Variants in MERTK observed in about 807,000 individuals in gnomAD.
MERTK encodes the protein MER proto-oncogene, tyrosine kinase, also known as tyrosine-protein kinase Mer.
Under a neutral mutation model 99.3 loss-of-function variants are expected in MERTK, and 69 were observed. The ratio of observed to expected loss-of-function variants is 0.70; its 90% confidence interval spans 0.57 to 0.85. The LOEUF is 0.85. Ranked by LOEUF, MERTK falls within the 40% of genes least tolerant of loss-of-function variation. MERTK has a pLI of 0.00. For missense variants in MERTK, 1,125 were observed against 1,249.4 expected, an observed-to-expected ratio of 0.90 and a Z score of 1.50; for synonymous variants, 426 against 467.6, an observed-to-expected ratio of 0.91 and a Z score of 1.15.
intron 15 of MERTK, among the ~76,000 whole-genome samples, chr2:112,018,804 G>T (rs1239461347): frequency 6.6e-6 from 1 of 152,222 alleles, no homozygotes; most frequent in Non-Finnish European, 1.5e-5. Flanking sequence ...GAAACTTATA[G>T]GCAGGGCCTA....
chr2:111,956,850 A>G (rs549084166), intron 4 of MERTK, among the ~76,000 whole-genome samples: 3 of 151,850 alleles, frequency 2.0e-5, no homozygotes, highest in East Asian at 1.9e-4. Flanking sequence ...GGATCTCACT[A>G]TGTTGTCCAG....
chr2:111,957,273 T>C (rs369230857), intron 4 of MERTK, among the ~76,000 whole-genome samples: 5 of 152,246 alleles, frequency 3.3e-5, no homozygotes, highest in African/African-American at 9.6e-5. Flanking sequence ...GCAATCCTGA[T>C]ACAAGTCAGA....
intron 2 of MERTK, among the ~76,000 whole-genome samples, chr2:111,943,736 G>C (rs1225609833): frequency 2.0e-5 from 3 of 152,100 alleles, no homozygotes; most frequent in Non-Finnish European, 4.4e-5. Context: ...GTTCTAAACA[G>C]GACAAAGGCT....
intron 18 of MERTK, among the ~76,000 whole-genome samples, chr2:112,023,020 G>A (rs886141252): frequency 2.6e-5 from 4 of 152,094 alleles, no homozygotes; most frequent in Admixed American, 6.6e-5. Context: ...GCTCATGCAC[G>A]TTATCCCAAC....
chr2:111,928,512 G>C (rs888715117), intron 1 of MERTK, among the ~76,000 whole-genome samples: 1 of 151,922 alleles, frequency 6.6e-6, no homozygotes, highest in Non-Finnish European at 1.5e-5. Flanking sequence ...TTGAGACAGG[G>C]TCTCTCTCTG....
chr2:112,021,080 A>G (rs1011916409), intron 16 of MERTK, among the ~76,000 whole-genome samples: 1 of 151,712 alleles, frequency 6.6e-6, no homozygotes, highest in South Asian at 2.1e-4. Flanking sequence ...TGTACCTGTA[A>G]TCCCAGCTAC....
intron 18 of MERTK, chr2:112,022,693 C>T: frequency 1.7e-6 from 1 of 580,798 alleles, no homozygotes; most frequent in South Asian, 1.6e-5. Context: ...TTACACACCT[C>T]TAGGAAATAT....
At chr2:112,010,441 G>T (rs1371488160) in intron 15 of MERTK, among the ~76,000 whole-genome samples, 1 of 152,146 alleles carries the variant, frequency 6.6e-6, no homozygotes, top group African/African-American at 2.4e-5. Flanking sequence ...ATTTTACAGA[G>T]CTCATTCTGG....
At chr2:111,992,248 A>G (rs921064033) in intron 8 of MERTK, among the ~76,000 whole-genome samples, 2 of 152,006 alleles carry the variant, frequency 1.3e-5, no homozygotes, top group East Asian at 1.9e-4. Context: ...TTTTTGTCCA[A>G]TCACAGTTCT....
intron 14 of MERTK, among the ~76,000 whole-genome samples, chr2:112,009,527 G>A (rs938624187): frequency 6.6e-6 from 1 of 152,130 alleles, no homozygotes; most frequent in Admixed American, 6.5e-5. Context: ...AAACTAGTTC[G>A]CCCTAGTTCA....
intron 15 of MERTK, chr2:112,010,322 G>T (rs994874944): frequency 2.4e-5 from 10 of 412,440 alleles, no homozygotes; most frequent in Non-Finnish European, 4.6e-5. Context: ...ACCAACTTGA[G>T]TTGGGTGGCC....
chr2:111,914,101 C>CTTTTTTTTTTTTTTTTTTT (rs765850254), intron 1 of MERTK, among the ~76,000 whole-genome samples: 9 of 94,456 alleles, frequency 9.5e-5, no homozygotes, highest in East Asian at 2.8e-4. Flanking sequence ...TTCTTTCTTT[C>CTTTTTTTTTTTTTTTTTTT]TTTTTTTTTT....
At chr2:112,009,761 A>G (rs1677056039) in intron 14 of MERTK, among the ~76,000 whole-genome samples, 187 bp from the exon 15 acceptor site, 1 of 152,134 alleles carries the variant, frequency 6.6e-6, no homozygotes, top group Admixed American at 6.5e-5. Flanking sequence ...TGAAAGGGGG[A>G]AAAATACCAG....
intron 10 of MERTK, 101 bp from the exon 11 acceptor site, chr2:112,001,100 G>T: frequency 1.2e-6 from 1 of 852,954 alleles, no homozygotes; most frequent in Non-Finnish European, 2.0e-6. Context: ...TTGTAGAAGA[G>T]CCCATTGAAA....
rs1343453440 is a variant in MERTK at position 111,947,628 on chromosome 2, G to A, written c.757+61G>A. 9.4e-6 allele frequency: 15 copies of A among 1,595,796 alleles called. No individual in the cohort carries two copies. In the East Asian group the frequency reaches 3.3e-4, roughly 36 times the overall value. ...TAATAGCGGACAGGATCAAAAGTTT[G>A]GCGACCCTTGCTGTGCACCACTAGC... On this transcript the variant is annotated intron_variant, in intron 4 of 18. Coordinates refer to ENST00000295408, the MANE Select transcript of MERTK (RefSeq NM_006343.3).
intron 16 of MERTK, among the ~76,000 whole-genome samples, chr2:112,020,000 G>T (rs1396066965): frequency 6.6e-6 from 1 of 152,192 alleles, no homozygotes; most frequent in Non-Finnish European, 1.5e-5. Flanking sequence ...GTGGACTTAG[G>T]TTCTCCCTAT....
chr2:112,000,706 A>AT (rs1231509967), intron 10 of MERTK, among the ~76,000 whole-genome samples: 12 of 151,996 alleles, frequency 7.9e-5, no homozygotes, highest in South Asian at 4.1e-4. Context: ...CCATGAAGTT[A>AT]TTTTTTCTCC....
chr2:111,964,396 TGTGC>T (rs72224128), intron 4 of MERTK, among the ~76,000 whole-genome samples: 5,657 of 85,182 alleles, frequency 0.066, 301 homozygotes, highest in African/African-American at 0.17. Flanking sequence ...TGTGTGTGTG[TGTGC>T]GCGCGCGCAC....
chr2:111,975,801 T>G (rs1281398865), intron 7 of MERTK, among the ~76,000 whole-genome samples: 1 of 152,166 alleles, frequency 6.6e-6, no homozygotes, highest in Non-Finnish European at 1.5e-5. Context: ...CTTCGGCCAC[T>G]CCAATATATG....
Sources: allele counts gnomAD v4.1 joint callset (sites outside exome capture counted in the v4.1 genomes callset), GRCh38; gene constraint gnomAD v4.1.1; transcripts MANE v1.5; gene names NCBI Gene and HGNC (gene_info 2026-07-23, HGNC 2026-07-21).